Variants in ANKRD33B observed in about 807,000 individuals in gnomAD.
ANKRD33B encodes ankyrin repeat domain-containing protein 33B.
A neutral mutation model predicts 21.5 loss-of-function variants in ANKRD33B; 6 were observed. That is an observed-to-expected ratio of 0.28 (90% CI 0.15 to 0.55). The LOEUF is 0.55. Ranked by LOEUF, ANKRD33B falls within the 20% of genes least tolerant of loss-of-function variation. The pLI is 0.94. For missense variants in ANKRD33B, 698 were observed against 747.2 expected (o/e 0.93, Z 0.77); for synonymous variants, 347 against 342.4 (o/e 1.01, Z -0.15).
rs1278221215 is a variant in ANKRD33B at position 10,564,452 on chromosome 5, C to A, written c.-16C>A. 9.8e-6 allele frequency: 11 copies of A among 1,127,336 alleles called. No homozygotes were observed. The Admixed American group carries it at 4.4e-4, about 45-fold the overall frequency. 69.8% of individuals were successfully genotyped at this position (1,127,336 alleles called of 1,614,324 possible). A position where few individuals can be genotyped will look rare whatever the true frequency, so the allele number is the denominator to read the frequency against. The stretch of plus-strand genomic sequence containing the variant: ...TGCCCGCGCCCCGGCCCCCGGCCCG[C>A]GCCCCGGCCGCCGGCATGGTGCTGC... On this transcript the variant is annotated 5_prime_UTR_variant, in exon 1 of 4. Coordinates refer to ENST00000296657, the MANE Select transcript of ANKRD33B (RefSeq NM_001164440.2).
intron 3 of ANKRD33B, among the ~76,000 whole-genome samples, chr5:10,644,839 G>A (rs190616249): frequency 1.2e-3 from 183 of 152,332 alleles, no homozygotes; most frequent in African/African-American, 4.2e-3. Flanking sequence ...GGACTTGGGG[G>A]CAAGTAGTTT....
intron 1 of ANKRD33B, among the ~76,000 whole-genome samples, chr5:10,602,607 G>A (rs1735957056): frequency 6.6e-6 from 1 of 152,196 alleles, no homozygotes; most frequent in South Asian, 2.1e-4. Flanking sequence ...CTGCCTCAGA[G>A]CAGCTGGCTG....
At position 10,654,249 on chromosome 5, in the gene ANKRD33B, C is replaced by G. The variant is rs967126686; in HGVS notation, c.*4136C>G. ...TCCTACACGGCTGTGCCTCTCCCAC[C>G]CCGTCCTCTTTGCTCGGAAGGGAGA... On this transcript the variant is annotated 3_prime_UTR_variant, in exon 4 of 4. Transcript: ENST00000296657. The G allele has an allele frequency of 2.0e-5, 3 of 152,430 alleles. No individual in the cohort carries two copies. Among genetic ancestry groups the G allele is most frequent in the African/African-American group, 7.2e-5 (3 of 41,442 alleles). 9.4% of individuals were successfully genotyped at this position (152,430 alleles called of 1,614,324 possible).
intron 1 of ANKRD33B, among the ~76,000 whole-genome samples, chr5:10,610,101 T>C (rs1014602582): frequency 2.6e-5 from 4 of 152,222 alleles, no homozygotes; most frequent in Non-Finnish European, 5.9e-5. Flanking sequence ...AATAACAATG[T>C]TTAAGCATCC....
intron 1 of ANKRD33B, among the ~76,000 whole-genome samples, chr5:10,585,006 A>G (rs1735524514): frequency 6.6e-6 from 1 of 152,218 alleles, no homozygotes; most frequent in Non-Finnish European, 1.5e-5. Flanking sequence ...GGAATGTTCT[A>G]GAAGAGCCAG....
At chr5:10,567,072 C>T (rs1275144257) in intron 1 of ANKRD33B, among the ~76,000 whole-genome samples, 3 of 152,172 alleles carry the variant, frequency 2.0e-5, no homozygotes, top group South Asian at 4.1e-4. Flanking sequence ...CTCTGTGTCA[C>T]GTAAAATAAT....
intron 1 of ANKRD33B, among the ~76,000 whole-genome samples, chr5:10,617,783 G>A (rs1176006876): frequency 6.6e-6 from 1 of 152,164 alleles, no homozygotes; most frequent in African/African-American, 2.4e-5. Context: ...GCCGGCCAAT[G>A]GGCTGCTCCC....
At chr5:10,573,767 G>A (rs551210406) in intron 1 of ANKRD33B, among the ~76,000 whole-genome samples, 1 of 152,164 alleles carries the variant, frequency 6.6e-6, no homozygotes, top group Non-Finnish European at 1.5e-5. Context: ...ACTATCATGA[G>A]AACAGCAAGG....
At chr5:10,641,225 C>CTTCTTCTTCTTTTTTTT (rs1553995125) in intron 3 of ANKRD33B, among the ~76,000 whole-genome samples, 1 of 77,448 alleles carries the variant, frequency 1.3e-5, no homozygotes, top group African/African-American at 4.3e-5. Context: ...TCTTCTTCTT[C>CTTCTTCTTCTTTTTTTT]TTTTTTTTTT....
chr5:10,584,547 A>G (rs1171005525), intron 1 of ANKRD33B, among the ~76,000 whole-genome samples: 1 of 152,098 alleles, frequency 6.6e-6, no homozygotes, highest in Non-Finnish European at 1.5e-5. Context: ...CCTGTCTCAA[A>G]AAAATAATAA....
chr5:10,572,021 C>T (rs556716050), intron 1 of ANKRD33B, among the ~76,000 whole-genome samples: 3 of 151,788 alleles, frequency 2.0e-5, no homozygotes, highest in Non-Finnish European at 2.9e-5. Flanking sequence ...CCCAAGTAGC[C>T]GGGATTACAG....
At chr5:10,570,372 C>G (rs899716743) in intron 1 of ANKRD33B, among the ~76,000 whole-genome samples, 12 of 152,156 alleles carry the variant, frequency 7.9e-5, no homozygotes, top group Non-Finnish European at 8.8e-5. Context: ...AAGACCAAAA[C>G]AGTCTTAACT....
chr5:10,651,908 A>G lies in ANKRD33B; in HGVS notation c.*1795A>G, dbSNP rs936149523. ...CAGTGTTTAAGATGAGATTGCAGTG[A>G]GTTCCTCCTTAATCCCAGAAGGGCA... On this transcript the variant is annotated 3_prime_UTR_variant, in exon 4 of 4. Transcript: ENST00000296657. 1.3e-4 allele frequency: 20 copies of G among 152,460 alleles called. No individual in the cohort carries two copies. Among genetic ancestry groups the G allele is most frequent in the African/African-American group, 4.8e-4 (20 of 41,452 alleles). 9.4% of individuals were successfully genotyped at this position (152,460 alleles called of 1,614,324 possible).
intron 2 of ANKRD33B, among the ~76,000 whole-genome samples, chr5:10,633,031 A>AC (rs1240638044): frequency 2.2e-5 from 3 of 134,090 alleles, no homozygotes; most frequent in African/African-American, 5.8e-5. Context: ...CAGGTGATCC[A>AC]CCCCCCTCAG....
chr5:10,638,667 C>T (rs541050072), intron 3 of ANKRD33B, among the ~76,000 whole-genome samples: 2 of 151,580 alleles, frequency 1.3e-5, no homozygotes, highest in African/African-American at 2.4e-5. Flanking sequence ...TGCATGGTAA[C>T]GTTGGGAGGT....
chr5:10,572,111 A>T (rs556129462), intron 1 of ANKRD33B, among the ~76,000 whole-genome samples: 60 of 151,780 alleles, frequency 4.0e-4, no homozygotes, highest in Non-Finnish European at 6.3e-4. Context: ...CTGGTCTCGA[A>T]CTCCTGACCT....
At chr5:10,596,662 A>G (rs1274930479) in intron 1 of ANKRD33B, among the ~76,000 whole-genome samples, 2 of 152,216 alleles carry the variant, frequency 1.3e-5, no homozygotes, top group South Asian at 2.1e-4. Context: ...ACCTAGTAAG[A>G]CAGGCCAACA....
chr5:10,628,786 G>A (rs1255742666), intron 2 of ANKRD33B, among the ~76,000 whole-genome samples: 9 of 152,270 alleles, frequency 5.9e-5, no homozygotes, highest in South Asian at 2.1e-4. Context: ...GGGCTGTGGC[G>A]GCTGTGGGAA....
chr5:10,604,352 C>T (rs1046931105), intron 1 of ANKRD33B, among the ~76,000 whole-genome samples: 5 of 151,126 alleles, frequency 3.3e-5, no homozygotes, highest in East Asian at 1.9e-4. Context: ...CCACCGCACC[C>T]GGCTAATTTT....
Sources: gnomAD v4.1 joint callset for allele counts (sites outside exome capture counted in the v4.1 genomes callset) on GRCh38, gnomAD v4.1.1 for gene constraint, MANE v1.5 for transcripts, NCBI Gene and HGNC (gene_info 2026-07-23, HGNC 2026-07-21) for gene names.